SOX5: variants seen among roughly 807,000 people sequenced by gnomAD.
The protein encoded by SOX5 is transcription factor SOX-5.
SOX5 carries 9 observed loss-of-function variants against 92.0 expected under a neutral mutation model. The ratio of observed to expected loss-of-function variants is 0.10; its 90% CI spans 0.06 to 0.17. SOX5 has a LOEUF of 0.17. Ranked by LOEUF, SOX5 falls within the 10% of genes least tolerant of loss-of-function variation. The probability of loss-of-function intolerance (pLI) is 1.00; values close to 1 mark genes in which losing one functional copy is unlikely to be tolerated. For synonymous variants in SOX5, 344 were observed against 336.3 expected (o/e 1.02, Z -0.25); for missense variants, 642 against 944.5 (o/e 0.68, Z 4.20).
At chr12:23,579,223 A>G (rs1342217497) in intron 9 of SOX5, among the ~76,000 whole-genome samples, 1 of 152,158 alleles carries the variant, frequency 6.6e-6, no homozygotes, top group Non-Finnish European at 1.5e-5. Flanking sequence ...AACTCTTAGT[A>G]TTCACCTACA....
chr12:24,141,261 G>A (rs1011452079), intron 4 of SOX5, among the ~76,000 whole-genome samples: 1 of 152,032 alleles, frequency 6.6e-6, no homozygotes, highest in Non-Finnish European at 1.5e-5. Context: ...TGGTTTACCA[G>A]GTGAAGCATA....
At chr12:24,384,421 C>T (rs777264483) in intron 1 of SOX5, among the ~76,000 whole-genome samples, 7 of 152,116 alleles carry the variant, frequency 4.6e-5, no homozygotes, top group Non-Finnish European at 7.4e-5. Flanking sequence ...GGGACTCCTG[C>T]CTTATGGTAC....
At chr12:24,286,355 GA>G (rs577006022) in intron 2 of SOX5, among the ~76,000 whole-genome samples, 43 of 152,140 alleles carry the variant, frequency 2.8e-4, no homozygotes, top group Non-Finnish European at 1.5e-4. Flanking sequence ...TAGTGTGCAT[GA>G]CAATTGTGCT....
At chr12:24,337,779 G>A (rs989540383) in intron 2 of SOX5, among the ~76,000 whole-genome samples, 13 of 152,106 alleles carry the variant, frequency 8.5e-5, no homozygotes, top group Non-Finnish European at 1.5e-4. Context: ...TTGCTAATAC[G>A]TAGACCTTTA....
chr12:23,824,413 C>T (rs1010615737), intron 3 of SOX5, among the ~76,000 whole-genome samples: 7 of 152,344 alleles, frequency 4.6e-5, no homozygotes, highest in South Asian at 4.1e-4. Flanking sequence ...TGGGGGTCCA[C>T]TCCAGACCCT....
Position 23,664,299 on chromosome 12 carries a change from A to T in SOX5, c.931+1145T>A, listed in dbSNP as rs1015280078. Among the ~76,000 whole-genome samples, 13 of 148,234 alleles carry T rather than the reference A, an allele frequency of 8.8e-5. 1 individual carries two copies. The East Asian group carries it at 1.8e-3, about 20-fold the overall frequency. ...AAATTAAATACTAAAGCATAACAAG[A>T]TGTTAATGGCACAATTCATTAACAT... On this transcript the variant is annotated intron_variant, in intron 7 of 14. Coordinates refer to ENST00000451604, the MANE Select transcript of SOX5 (RefSeq NM_006940.6).
At position 23,803,617 on chromosome 12, in the gene SOX5, G is replaced by A. The variant is rs546181059; in HGVS notation, c.481+42366C>T. Among the ~76,000 whole-genome samples, 227 of 152,112 alleles carry A rather than the reference G, an allele frequency of 1.5e-3. 6 individuals carry two copies. In the South Asian group the frequency reaches 0.046, roughly 31 times the overall value. Reference sequence around the variant, plus strand: ...TCTACCAAATACTGTATTAGCCTAGGAACACAAAAATGAAATGACATAGTC... The same window carrying A: ...TCTACCAAATACTGTATTAGCCTAGAAACACAAAAATGAAATGACATAGTC... On this transcript the variant is annotated intron_variant, in intron 3 of 14. Transcript: ENST00000451604.
intron 2 of SOX5, among the ~76,000 whole-genome samples, chr12:24,300,177 AC>A (rs1947790719): frequency 6.6e-6 from 1 of 152,220 alleles, no homozygotes; most frequent in South Asian, 2.1e-4. Flanking sequence ...AAGTTCTGAG[AC>A]TGAAATTCTG....
At chr12:24,212,368 T>G (rs963504136) in intron 4 of SOX5, 7 of 531,644 alleles carry the variant, frequency 1.3e-5, no homozygotes, top group African/African-American at 7.7e-5. Flanking sequence ...CTGATCACAC[T>G]GAAGGACAAA....
intron 3 of SOX5, among the ~76,000 whole-genome samples, chr12:23,844,948 A>C (rs138973197): frequency 2.1e-3 from 321 of 152,314 alleles, no homozygotes; most frequent in Non-Finnish European, 3.6e-3. Context: ...ATTCTTTCCA[A>C]TTCTCAGATC....
At chr12:24,424,796 G>T (rs1381297524) in intron 1 of SOX5, among the ~76,000 whole-genome samples, 1 of 122,216 alleles carries the variant, frequency 8.2e-6, no homozygotes, top group Non-Finnish European at 1.6e-5. Context: ...TTTTCTTTGT[G>T]AGTTTTTTTT....
intron 6 of SOX5, among the ~76,000 whole-genome samples, chr12:23,715,806 T>TC (rs972994326): frequency 3.8e-4 from 33 of 86,352 alleles, no homozygotes; most frequent in African/African-American, 2.1e-3. Context: ...AGTAGTAATT[T>TC]CCCAAAAAAA....
At chr12:24,534,265 T>A (rs1356409586) in intron 1 of SOX5, among the ~76,000 whole-genome samples, 7 of 151,868 alleles carry the variant, frequency 4.6e-5, no homozygotes, top group Admixed American at 6.6e-5. Context: ...CTTTGCTTTT[T>A]TTTTTTTCGG....
intron 3 of SOX5, among the ~76,000 whole-genome samples, chr12:23,776,479 G>A (rs2095103292): frequency 6.6e-6 from 1 of 152,142 alleles, no homozygotes; most frequent in Admixed American, 6.5e-5. Context: ...GAGTTGAAAG[G>A]GACCTTAGAA....
chr12:24,188,884 A>G (rs1405778005), intron 4 of SOX5, among the ~76,000 whole-genome samples: 1 of 152,186 alleles, frequency 6.6e-6, no homozygotes, highest in Non-Finnish European at 1.5e-5. Flanking sequence ...GATGATCTAT[A>G]TATTGTATCC....
At chr12:24,396,540 C>T (rs917137831) in intron 1 of SOX5, among the ~76,000 whole-genome samples, 1 of 152,206 alleles carries the variant, frequency 6.6e-6, no homozygotes, top group Non-Finnish European at 1.5e-5. Flanking sequence ...CCGTTGGTGC[C>T]GCATGGCAAC....
chr12:23,849,499 A>G (rs1168217784), intron 2 of SOX5, among the ~76,000 whole-genome samples: 3 of 152,204 alleles, frequency 2.0e-5, no homozygotes, highest in Non-Finnish European at 4.4e-5. Flanking sequence ...ACCAAAAAGT[A>G]GAGTGAAAAA....
chr12:23,719,788 CA>C lies in SOX5; in HGVS notation c.810+14895del, dbSNP rs33914230. 7.0e-3 allele frequency among the ~76,000 whole-genome samples: 449 copies of C among 64,142 alleles called. 1 individual carries two copies. Among genetic ancestry groups the C allele is most frequent in the Middle Eastern group, 0.042 (3 of 72 alleles). 42.1% of individuals were successfully genotyped at this position (64,142 alleles called of 152,430 possible). ...TTCAAAAAAAACCCCAGCTATTTAC[CA>C]AAAAAAAAAAAAAAAAAAAAAACTG... On this transcript the variant is annotated intron_variant, in intron 6 of 14. Transcript: ENST00000451604.
intron 3 of SOX5, among the ~76,000 whole-genome samples, chr12:24,235,517 A>G (rs1286907854): frequency 6.6e-6 from 1 of 152,208 alleles, no homozygotes; most frequent in African/African-American, 2.4e-5. Context: ...CTCTACTAAT[A>G]TGACTAATAA....
Sources: allele counts gnomAD v4.1 joint callset (sites outside exome capture counted in the v4.1 genomes callset), GRCh38; gene constraint gnomAD v4.1.1; transcripts MANE v1.5; gene names NCBI Gene and HGNC (gene_info 2026-07-23, HGNC 2026-07-21).